PICALM: variants seen among roughly 807,000 people sequenced by gnomAD.
PICALM encodes phosphatidylinositol-binding clathrin assembly protein.
PICALM carries 40 observed loss-of-function variants against 80.5 expected under a neutral mutation model. The observed-to-expected ratio is 0.50, with a 90% CI of 0.39 to 0.65. The LOEUF (loss-of-function observed/expected upper bound fraction) is 0.65, where lower values mean the gene tolerates loss of function less well. PICALM is among the 30% of genes least tolerant of loss of function. The probability of loss-of-function intolerance (pLI) is 0.00; values close to 1 mark genes in which losing one functional copy is unlikely to be tolerated. For synonymous variants in PICALM, 288 were observed against 260.3 expected (o/e 1.11, Z -1.02); for missense variants, 676 against 778.9 (o/e 0.87, Z 1.57).
In PICALM at chr11:85,984,090, C is replaced by G. The variant is rs1051285790; in HGVS notation, c.1409-117G>C. 8 of 584,128 alleles carry G rather than the reference C, an allele frequency of 1.4e-5. No homozygotes were observed. The African/African-American group carries it at 1.6e-4, about 12-fold the overall frequency. 36.2% of individuals were successfully genotyped at this position (584,128 alleles called of 1,614,324 possible). Reference sequence around the variant, plus strand: ...CTAAATTCCCCACACAAAAACAAAGCCAATCCTTCAAGCAAAATGTTTTCT... The same window carrying G: ...CTAAATTCCCCACACAAAAACAAAGGCAATCCTTCAAGCAAAATGTTTTCT... On this transcript the variant is annotated intron_variant, in intron 13 of 19. Coordinates refer to ENST00000393346, the MANE Select transcript of PICALM (RefSeq NM_007166.4).
intron 1 of PICALM, among the ~76,000 whole-genome samples, chr11:86,040,821 T>C (rs1049031377): frequency 6.6e-6 from 1 of 152,072 alleles, no homozygotes; most frequent in Non-Finnish European, 1.5e-5. Flanking sequence ...CCGGATGCAA[T>C]TCAAATAAAC....
chr11:85,977,986 A>T (rs1186350435), intron 17 of PICALM: 1 of 982,676 alleles, frequency 1.0e-6, no homozygotes, highest in African/African-American at 1.6e-5. Context: ...AACAAGTAAT[A>T]GCTGAAAGGT....
intron 9 of PICALM, among the ~76,000 whole-genome samples, chr11:86,002,384 TTC>T (rs957825241): frequency 6.6e-6 from 1 of 152,204 alleles, no homozygotes; most frequent in Non-Finnish European, 1.5e-5. Context: ...ACTATACAAA[TTC>T]TTTCTTCATG....
At chr11:86,009,866 G>A (rs1330845874) in intron 7 of PICALM, among the ~76,000 whole-genome samples, 2 of 152,054 alleles carry the variant, frequency 1.3e-5, no homozygotes, top group Non-Finnish European at 2.9e-5. Flanking sequence ...CTTAAAAAAC[G>A]GAAAGGATCT....
Position 85,982,423 on chromosome 11 carries a change from C to CTTTTTTTTTTTTTTTTTTT in PICALM, c.1517-421_1517-420insAAAAAAAAAAAAAAAAAAA, listed in dbSNP as rs59672357. 5.4e-4 allele frequency among the ~76,000 whole-genome samples: 38 copies of CTTTTTTTTTTTTTTTTTTT among 70,168 alleles called. 10 individuals are homozygous for CTTTTTTTTTTTTTTTTTTT. Among genetic ancestry groups the CTTTTTTTTTTTTTTTTTTT allele is most frequent in the African/African-American group, 1.3e-3 (20 of 15,470 alleles). 46.0% of individuals were successfully genotyped at this position (70,168 alleles called of 152,430 possible). A position where few individuals can be genotyped will look rare whatever the true frequency, so the allele number is the denominator to read the frequency against. On this transcript the variant is annotated intron_variant, in intron 14 of 19. Coordinates refer to ENST00000393346, the MANE Select transcript of PICALM (RefSeq NM_007166.4). Reference sequence around the variant, plus strand: ...ACGTTAAGAAATAAGATTTTATAGACTTTTTTTTTTTTTTTGAGACGGAGT... The same window carrying CTTTTTTTTTTTTTTTTTTT: ...ACGTTAAGAAATAAGATTTTATAGACTTTTTTTTTTTTTTTTTTTTTTTTTTTTTTTTTTGAGACGGAGT...
chr11:85,993,390 AT>A (rs1408593187), intron 12 of PICALM, among the ~76,000 whole-genome samples: 3 of 151,998 alleles, frequency 2.0e-5, no homozygotes, highest in Admixed American at 1.3e-4. Context: ...CCAGTCTAAA[AT>A]TTTTAAATAT....
At position 86,049,551 on chromosome 11, in the gene PICALM, C is replaced by CT. The variant is rs796323730; in HGVS notation, c.131-17941dup. Among the ~76,000 whole-genome samples, 94 of 150,614 alleles carry CT rather than the reference C, an allele frequency of 6.2e-4. 1 individual carries two copies. The highest frequency in any genetic ancestry group is 1.5e-3 in the African/African-American group (61 of 41,050). ...AGAAATTCATTTTCTTTTATTTTCC[C>CT]TTTTTTTTTCCTTTTCCCTGAGAAA... On this transcript the variant is annotated intron_variant, in intron 1 of 19. Transcript: ENST00000393346.
At chr11:86,015,670 T>C (rs2095470271) in intron 4 of PICALM, among the ~76,000 whole-genome samples, 1 of 152,226 alleles carries the variant, frequency 6.6e-6, no homozygotes, top group African/African-American at 2.4e-5. Flanking sequence ...GTACTGGGGC[T>C]AACGTACACA....
At chr11:86,017,115 C>T (rs529917360) in intron 4 of PICALM, among the ~76,000 whole-genome samples, 8 of 151,772 alleles carry the variant, frequency 5.3e-5, no homozygotes, top group African/African-American at 1.9e-4. Context: ...CCCAGATACT[C>T]GGGAGGCTGA....
chr11:86,062,289 G>T (rs2096379995), intron 1 of PICALM, among the ~76,000 whole-genome samples: 1 of 152,164 alleles, frequency 6.6e-6, no homozygotes, highest in African/African-American at 2.4e-5. Flanking sequence ...GGCCGAGGTG[G>T]GTGGATCACC....
chr11:86,021,825 T>A (rs1593013337), intron 4 of PICALM, among the ~76,000 whole-genome samples: 1 of 152,152 alleles, frequency 6.6e-6, no homozygotes, highest in East Asian at 1.9e-4. Flanking sequence ...TATATGTCCA[T>A]AAAGTAAAAT....
chr11:85,993,103 T>TA (rs1172624451), intron 12 of PICALM, among the ~76,000 whole-genome samples: 246 of 151,674 alleles, frequency 1.6e-3, no homozygotes, highest in African/African-American at 5.6e-3. Context: ...TTTTTTTTTT[T>TA]AAATAAGAGT....
chr11:86,049,812 T>C lies in PICALM; in HGVS notation c.131-18201A>G, dbSNP rs1174890250. 4.0e-5 allele frequency among the ~76,000 whole-genome samples: 6 copies of C among 150,568 alleles called. No individual in the cohort carries two copies. The East Asian group carries it at 1.2e-3, about 29-fold the overall frequency. On this transcript the variant is annotated intron_variant, in intron 1 of 19. Coordinates refer to ENST00000393346, the MANE Select transcript of PICALM (RefSeq NM_007166.4). ...TCCAAAGATGCAATCTGAAGGTAGA[T>C]GAACTTAGAGAAGTTAAAAAAAAAA... is the stretch of plus-strand genomic sequence containing the variant.
intron 1 of PICALM, among the ~76,000 whole-genome samples, chr11:86,045,562 C>T (rs1052181063): frequency 1.4e-5 from 2 of 143,200 alleles, no homozygotes; most frequent in East Asian, 2.1e-4. Flanking sequence ...ATATAACCCA[C>T]ATTCACCTAT....
chr11:86,054,528 C>T (rs1163538062), intron 1 of PICALM, among the ~76,000 whole-genome samples: 1 of 152,132 alleles, frequency 6.6e-6, no homozygotes, highest in Non-Finnish European at 1.5e-5. Flanking sequence ...CACAAACACA[C>T]CATAAAGCGC....
At chr11:86,067,090 AAAG>A (rs1181312150) in intron 1 of PICALM, among the ~76,000 whole-genome samples, 5 of 152,374 alleles carry the variant, frequency 3.3e-5, no homozygotes, top group African/African-American at 7.2e-5. Context: ...GAACAATCAC[AAAG>A]AATAATAGGC....
rs565181839 is a variant in PICALM, at chr11:85,985,730, T to C, written c.1409-1757A>G. ...AAAAAATCCATCATGCTTAATTATGTGTCCATGCTATCATCAGAGTGTAAG... is the reference window on the plus strand; with the variant it reads ...AAAAAATCCATCATGCTTAATTATGCGTCCATGCTATCATCAGAGTGTAAG... On this transcript the variant is annotated intron_variant, in intron 13 of 19. Transcript: ENST00000393346. Among the ~76,000 whole-genome samples the C allele has an allele frequency of 2.6e-5, 4 of 152,362 alleles. No homozygotes were observed. The South Asian group carries it at 8.3e-4, about 32-fold the overall frequency.
chr11:85,963,783 G>T (rs1044170338), intron 19 of PICALM, among the ~76,000 whole-genome samples: 1 of 152,080 alleles, frequency 6.6e-6, no homozygotes, highest in Non-Finnish European at 1.5e-5. Flanking sequence ...TATCAACAGT[G>T]TCTTGTTCTG....
chr11:85,981,774 A>C lies in PICALM; in HGVS notation c.1650T>G (p.Asn550Lys). 6.2e-7 allele frequency: 1 copy of C among 1,612,492 alleles called. No homozygotes were observed. Among genetic ancestry groups the C allele is most frequent in the African/African-American group, 1.3e-5 (1 of 75,006 alleles). ...LDSSLANLVG[N>K]LGIGNGTTKN... The stretch of plus-strand genomic sequence containing the variant: ...TAGTGGTTCCATTTCCGATGCCAAG[A>C]TCTAGGAAAGGAGAAAAACAAAAAA... The change falls in exon 16 of 20, where the codon AAT becomes AAG. Residue 550 changes from asparagine to lysine, a missense_variant and splice_region_variant. Coordinates refer to ENST00000393346, the MANE Select transcript of PICALM (RefSeq NM_007166.4).
Sources: allele counts gnomAD v4.1 joint callset (sites outside exome capture counted in the v4.1 genomes callset), GRCh38; gene constraint gnomAD v4.1.1; transcripts MANE v1.5; gene names NCBI Gene and HGNC (gene_info 2026-07-23, HGNC 2026-07-21).